Variants in CHSY1 observed in about 807,000 individuals in gnomAD.
The protein encoded by CHSY1 is N-acetylgalactosaminyl-proteoglycan 3-beta-glucuronosyltransferase 1.
CHSY1 carries 13 observed loss-of-function variants against 59.8 expected under a neutral mutation model. The observed-to-expected ratio is 0.22, with a 90% CI of 0.14 to 0.35. The LOEUF (loss-of-function observed/expected upper bound fraction) is 0.35. Ranked by LOEUF, CHSY1 falls within the 10% of genes least tolerant of loss-of-function variation. CHSY1 has a pLI of 1.00. For missense variants in CHSY1, 947 were observed against 1,030.6 expected (o/e 0.92, Z 1.11); for synonymous variants, 459 against 401.2 (o/e 1.14, Z -1.72).
chr15:101,178,857 T>C lies in CHSY1; in HGVS notation c.940A>G (p.Arg314Gly), dbSNP rs2038236084. Residue 314 changes from arginine to glycine, a missense_variant, in exon 3 of 3, where the codon AGG becomes GGG. Arg to Gly is a moderately radical substitution (Grantham distance 125). This residue lies in a region of CHSY1 where 602 missense variants were observed against 676.9 expected (regional missense o/e 0.89). Coordinates refer to ENST00000254190, the MANE Select transcript of CHSY1 (RefSeq NM_014918.5). ...CGGCTCAGCATGTAGCTGTGGAGCC[T>C]GTACTGGTAGGGTGGGTTTTTGTTG... ...HPNKNPPYQY[R>G]LHSYMLSRKI... is the part of the protein sequence containing the mutation. 1 of 1,614,096 alleles carries C rather than the reference T, an allele frequency of 6.2e-7. No individual in the cohort carries two copies. The highest frequency in any genetic ancestry group is 1.3e-5 in the African/African-American group (1 of 74,930).
At chr15:101,246,981 G>A (rs1243355437) in intron 1 of CHSY1, among the ~76,000 whole-genome samples, 1 of 152,200 alleles carries the variant, frequency 6.6e-6, no homozygotes, top group Non-Finnish European at 1.5e-5. Flanking sequence ...AATGACTTCA[G>A]AGGAATCACA....
At chr15:101,228,299 A>C (rs77487234) in intron 2 of CHSY1, among the ~76,000 whole-genome samples, 1,604 of 152,250 alleles carry the variant, frequency 0.011, 24 homozygotes, top group African/African-American at 0.036. Flanking sequence ...AACAGAGAGA[A>C]AGGGGCAGAA....
intron 2 of CHSY1, among the ~76,000 whole-genome samples, chr15:101,200,730 C>G (rs1012416469): frequency 6.6e-6 from 1 of 152,178 alleles, no homozygotes; most frequent in African/African-American, 2.4e-5. Context: ...TTGCAGAAAT[C>G]TCTTAGGTCT....
chr15:101,235,259 C>T lies in CHSY1; in HGVS notation c.639G>A (p.Glu213=), dbSNP rs2038929874. 1 of 1,614,196 alleles carries T rather than the reference C, an allele frequency of 6.2e-7. No individual in the cohort carries two copies. Among genetic ancestry groups the T allele is most frequent in the Non-Finnish European group, 8.5e-7 (1 of 1,180,036 alleles). ...TTEEMGKLAL[E]PGENFCMGGP... The stretch of plus-strand genomic sequence containing the variant: ...CCCCCATGCAGAAGTTCTCACCAGG[C>T]TCCAGGGCCAGTTTTCCCATTTCTT... The change falls in exon 2 of 3, where the codon GAG becomes GAA. Residue 213 remains glutamate, a synonymous_variant. Transcript: ENST00000254190.
At chr15:101,196,159 C>T (rs2038504667) in intron 2 of CHSY1, among the ~76,000 whole-genome samples, 1 of 150,932 alleles carries the variant, frequency 6.6e-6, no homozygotes, top group South Asian at 2.1e-4. Flanking sequence ...ATGACTTGAA[C>T]CTGGGAGACA....
intron 1 of CHSY1, among the ~76,000 whole-genome samples, chr15:101,244,248 A>T (rs2039030089): frequency 6.6e-6 from 1 of 152,208 alleles, no homozygotes; most frequent in Non-Finnish European, 1.5e-5. Context: ...TTACATTAAG[A>T]TACAAAAGCT....
intron 2 of CHSY1, among the ~76,000 whole-genome samples, chr15:101,208,735 C>T (rs950194492): frequency 7.0e-6 from 1 of 143,694 alleles, no homozygotes; most frequent in Admixed American, 7.0e-5. Flanking sequence ...AAAAGAGATA[C>T]AGAAGCCTGC....
chr15:101,180,783 G>C (rs1189346955), intron 2 of CHSY1, among the ~76,000 whole-genome samples: 1 of 152,182 alleles, frequency 6.6e-6, no homozygotes, highest in East Asian at 1.9e-4. Flanking sequence ...ACAAGGCTTG[G>C]ATGAACCACG....
Position 101,251,785 on chromosome 15 carries a change from ACGACGGCGG to A in CHSY1, c.-338_-330del, listed in dbSNP as rs1015417988. 2.0e-5 allele frequency: 3 copies of A among 149,160 alleles called. No individual in the cohort carries two copies. Among genetic ancestry groups the A allele is most frequent in the Non-Finnish European group, 3.0e-5 (2 of 67,160 alleles). The allele number at this position is 149,160 out of a possible 1,614,324, so 9.2% of individuals were successfully genotyped here. ...GGGACGCGGGGCCGGCACGACGGCG[ACGACGGCGG>A]CGGCAGACGAGTCCGGGCTCCCGTC... is the stretch of plus-strand genomic sequence containing the variant. On this transcript the variant is annotated 5_prime_UTR_variant, in exon 1 of 3. Transcript: ENST00000254190.
At chr15:101,249,912 T>C (rs1489698401) in intron 1 of CHSY1, among the ~76,000 whole-genome samples, 1 of 152,226 alleles carries the variant, frequency 6.6e-6, no homozygotes, top group Non-Finnish European at 1.5e-5. Context: ...AGCAGGACCC[T>C]AATGGAAATG....
intron 2 of CHSY1, among the ~76,000 whole-genome samples, chr15:101,222,639 T>TG (rs2038801446): frequency 6.6e-6 from 1 of 152,232 alleles, no homozygotes; most frequent in Non-Finnish European, 1.5e-5. Flanking sequence ...TTGCTTTTCC[T>TG]GACCTGACAC....
chr15:101,237,463 T>C (rs1231261930), intron 1 of CHSY1, among the ~76,000 whole-genome samples: 1 of 152,162 alleles, frequency 6.6e-6, no homozygotes, highest in East Asian at 1.9e-4. Flanking sequence ...AGACCCGGGT[T>C]TAAGAGACAA....
chr15:101,233,091 G>A (rs1222510873), intron 2 of CHSY1, among the ~76,000 whole-genome samples: 1 of 152,182 alleles, frequency 6.6e-6, no homozygotes, highest in African/African-American at 2.4e-5. Context: ...AGCCTCAGAG[G>A]GGGCTCCAAG....
At position 101,251,983 on chromosome 15, in the gene CHSY1, C is replaced by G; in HGVS notation, c.-527G>C. ...CGCACGGCGCGTTATGAAGTGGCCC[C>G]GCCGGCGGCGAGCCGTGGCCCCTCT... On this transcript the variant is annotated 5_prime_UTR_variant, in exon 1 of 3. Coordinates refer to ENST00000254190, the MANE Select transcript of CHSY1 (RefSeq NM_014918.5). 1 of 151,132 alleles carries G rather than the reference C, an allele frequency of 6.6e-6. No homozygotes were observed. Among genetic ancestry groups the G allele is most frequent in the East Asian group, 1.9e-4 (1 of 5,172 alleles). 9.4% of individuals were successfully genotyped at this position (151,132 alleles called of 1,614,324 possible). A position where few individuals can be genotyped will look rare whatever the true frequency, so the allele number is the denominator to read the frequency against.
chr15:101,186,828 A>G (rs1183342462), intron 2 of CHSY1: 1 of 8,842 alleles, frequency 1.1e-4, no homozygotes, highest in Non-Finnish European at 4.5e-4. Flanking sequence ...AAACAAAAAC[A>G]AAAACAAAAA....
intron 2 of CHSY1, among the ~76,000 whole-genome samples, chr15:101,195,233 A>T (rs1216039567): frequency 6.6e-6 from 1 of 152,256 alleles, no homozygotes; most frequent in Non-Finnish European, 1.5e-5. Context: ...ATAAGATTAC[A>T]AAACTAATTA....
At position 101,251,442 on chromosome 15, in the gene CHSY1, G is replaced by A. The variant is rs1257692941; in HGVS notation, c.15C>T (p.Gly5=). 1 of 1,056,104 alleles carries A rather than the reference G, an allele frequency of 9.5e-7. No individual in the cohort carries two copies. The highest frequency in any genetic ancestry group is 1.1e-6 in the Non-Finnish European group (1 of 869,798). The allele number at this position is 1,056,104 out of a possible 1,614,324, so 65.4% of individuals were successfully genotyped here. ...GCAGCACGCTGAGCCAGGCGCGCCG[G>A]CCGCGCGCGGCCATGCCCGCGCCGC... MAAR[G]RRAWLSVLLG... Residue 5 remains glycine (G), a synonymous_variant, in exon 1 of 3, where the codon GGC becomes GGT. Transcript: ENST00000254190.
intron 2 of CHSY1, among the ~76,000 whole-genome samples, chr15:101,184,601 C>T (rs568217130): frequency 1.3e-5 from 2 of 152,056 alleles, no homozygotes; most frequent in South Asian, 2.1e-4. Context: ...CTGCTTGCCT[C>T]GGCCTCCCAA....
chr15:101,240,678 G>A (rs2038992416), intron 1 of CHSY1, among the ~76,000 whole-genome samples: 1 of 152,176 alleles, frequency 6.6e-6, no homozygotes, highest in East Asian at 1.9e-4. Flanking sequence ...GCCTTTGCTG[G>A]TTAGGACTTA....
Sources: gnomAD v4.1 joint callset for allele counts (sites outside exome capture counted in the v4.1 genomes callset) on GRCh38, gnomAD v4.1.1 for gene constraint, gnomAD v4.1.1 regional missense constraint, MANE v1.5 for transcripts, NCBI Gene and HGNC (gene_info 2026-07-23, HGNC 2026-07-21) for gene names.